The following PTPRG variants were observed in gnomAD, a reference collection of about 807,000 sequenced individuals.
PTPRG encodes the protein protein tyrosine phosphatase receptor type G.
A neutral mutation model predicts 165.3 loss-of-function variants in PTPRG; 102 were observed. That is an observed-to-expected ratio of 0.62 (90% confidence interval 0.53 to 0.73). The LOEUF is 0.73. Ranked by LOEUF, PTPRG falls within the 30% of genes least tolerant of loss-of-function variation. PTPRG has a pLI of 0.00. For missense variants in PTPRG, 1,866 were observed against 1,861.4 expected, an observed-to-expected ratio of 1.00 and a Z score of -0.05; for synonymous variants, 675 against 669.5, an observed-to-expected ratio of 1.01 and a Z score of -0.13.
Position 61,895,016 on chromosome 3 carries a change from C to T in PTPRG, c.191-94609C>T, listed in dbSNP as rs137955666. On this transcript the variant is annotated intron_variant, in intron 2 of 29. Coordinates refer to ENST00000474889, the MANE Select transcript of PTPRG (RefSeq NM_002841.4). ...TAGCAGTATCTCTGGGCCCTCTGCC[C>T]CCATAGCTGTGACAACCAGTGTCTC... 7.6e-3 allele frequency among the ~76,000 whole-genome samples: 1,151 copies of T among 152,182 alleles called. 11 individuals carry two copies. The highest frequency in any genetic ancestry group is 0.025 in the African/African-American group (1,056 of 41,476).
At chr3:61,767,670 A>T (rs903120969) in intron 2 of PTPRG, among the ~76,000 whole-genome samples, 5 of 152,186 alleles carry the variant, frequency 3.3e-5, no homozygotes, top group African/African-American at 9.7e-5. Context: ...GCAAGTTAAG[A>T]TGAATGTTTT....
At chr3:61,615,336 T>C (rs1165303315) in intron 1 of PTPRG, among the ~76,000 whole-genome samples, 3 of 152,224 alleles carry the variant, frequency 2.0e-5, no homozygotes, top group African/African-American at 4.8e-5. Flanking sequence ...CTCGATACTT[T>C]TGAAGGTAAC....
At chr3:62,013,542 G>T (rs187807064) in intron 4 of PTPRG, among the ~76,000 whole-genome samples, 2 of 152,292 alleles carry the variant, frequency 1.3e-5, no homozygotes, top group East Asian at 3.9e-4. Context: ...CAGTATTCAG[G>T]ATTTTTGCTA....
intron 1 of PTPRG, among the ~76,000 whole-genome samples, chr3:61,599,985 C>A (rs533100770): frequency 6.6e-6 from 1 of 151,448 alleles, no homozygotes. Flanking sequence ...TTGGCAAAAC[C>A]CCATCTCTAC....
intron 2 of PTPRG, among the ~76,000 whole-genome samples, chr3:61,782,614 G>A (rs1301563863): frequency 6.6e-6 from 1 of 152,196 alleles, no homozygotes; most frequent in Non-Finnish European, 1.5e-5. Flanking sequence ...AAGAGTAATT[G>A]ATTTTGTTAA....
chr3:61,683,823 G>A (rs937201421), intron 1 of PTPRG, among the ~76,000 whole-genome samples: 4 of 152,230 alleles, frequency 2.6e-5, no homozygotes, highest in African/African-American at 4.8e-5. Context: ...TTAAAAACTT[G>A]GTAAATTTAG....
At chr3:61,795,130 G>A (rs1476063790) in intron 2 of PTPRG, among the ~76,000 whole-genome samples, 1 of 152,122 alleles carries the variant, frequency 6.6e-6, no homozygotes, top group African/African-American at 2.4e-5. Flanking sequence ...CCATTTTACA[G>A]ATGAGGGAAC....
chr3:62,190,837 A>G lies in PTPRG; in HGVS notation c.1034-632A>G, dbSNP rs563078162. Among the ~76,000 whole-genome samples the G allele has an allele frequency of 6.6e-6, 1 of 152,374 alleles. No homozygotes were observed. The highest frequency in any genetic ancestry group is 2.4e-5 in the African/African-American group (1 of 41,598). ...ACCATGAGGCTGAAGTCAGGGGGAC[A>G]CAGTGATTAAGGATCTTTTGGAGAC... On this transcript the variant is annotated intron_variant, in intron 8 of 29. Coordinates refer to ENST00000474889, the MANE Select transcript of PTPRG (RefSeq NM_002841.4). This position sits in a 1 kb window ranked among gnomAD's most constrained non-coding sequence, Gnocchi z 5.2.
At chr3:62,042,244 C>T (rs957194157) in intron 4 of PTPRG, among the ~76,000 whole-genome samples, 2 of 152,140 alleles carry the variant, frequency 1.3e-5, no homozygotes, top group African/African-American at 4.8e-5. Flanking sequence ...TATTTCCAGC[C>T]TTGCCCTGGC....
intron 2 of PTPRG, among the ~76,000 whole-genome samples, chr3:61,804,619 T>C (rs935901714): frequency 3.3e-5 from 5 of 151,932 alleles, no homozygotes; most frequent in African/African-American, 1.2e-4. Context: ...CTTGGTCCTA[T>C]GCTTATTCTT....
chr3:61,747,919 T>C lies in PTPRG; in HGVS notation c.86-959T>C, dbSNP rs2033274444. 2.6e-5 allele frequency among the ~76,000 whole-genome samples: 4 copies of C among 152,294 alleles called. No individual in the cohort carries two copies. In the South Asian group the frequency reaches 8.3e-4, roughly 32 times the overall value. On this transcript the variant is annotated intron_variant, in intron 1 of 29. Coordinates refer to ENST00000474889, the MANE Select transcript of PTPRG (RefSeq NM_002841.4). Reference sequence around the variant, plus strand: ...TTGGATTTTGAGGCACCTGTGACATTTGTCTTCTTATACATCAGTGTTTTC... The same window carrying C: ...TTGGATTTTGAGGCACCTGTGACATCTGTCTTCTTATACATCAGTGTTTTC...
chr3:61,794,196 TA>T (rs760144673), intron 2 of PTPRG, among the ~76,000 whole-genome samples: 1 of 151,772 alleles, frequency 6.6e-6, no homozygotes, highest in African/African-American at 2.4e-5. Flanking sequence ...CATTTTACTT[TA>T]AAAAAAAATC....
At chr3:62,095,460 G>C (rs769585784) in intron 5 of PTPRG, among the ~76,000 whole-genome samples, 23 of 152,184 alleles carry the variant, frequency 1.5e-4, no homozygotes, top group Non-Finnish European at 2.8e-4. Context: ...GAGTGTTACT[G>C]TCTCAGCCTG....
chr3:61,851,890 A>C (rs946253786), intron 2 of PTPRG, among the ~76,000 whole-genome samples: 2 of 152,188 alleles, frequency 1.3e-5, no homozygotes, highest in African/African-American at 2.4e-5. Flanking sequence ...CAGCCATTTT[A>C]AATTGGAGTC....
intron 1 of PTPRG, among the ~76,000 whole-genome samples, chr3:61,735,074 T>C (rs576967917): frequency 6.6e-6 from 1 of 152,222 alleles, no homozygotes; most frequent in Non-Finnish European, 1.5e-5. Context: ...GAAAGGACTT[T>C]GGTTAAATAG....
In PTPRG at chr3:62,224,323, G is replaced by A. The variant is rs367946417; in HGVS notation, c.2288+5340G>A. On this transcript the variant is annotated intron_variant, in intron 13 of 29. Coordinates refer to ENST00000474889, the MANE Select transcript of PTPRG (RefSeq NM_002841.4). The surrounding 1 kb of genome is among the most constrained non-coding windows in gnomAD (Gnocchi z 4.9). ...ACACAAAGGTTTATTTCCCACCCAC[G>A]TGAGGTCTGACAGGGTTGAGCCGCC... Among the ~76,000 whole-genome samples the A allele has an allele frequency of 3.9e-5, 6 of 152,276 alleles. No individual in the cohort carries two copies. Among genetic ancestry groups the A allele is most frequent in the African/African-American group, 1.4e-4 (6 of 41,556 alleles).
In PTPRG at chr3:62,194,907, G is replaced by T. The variant is rs568850900; in HGVS notation, c.1219-155G>T. 3.3e-5 allele frequency among the ~76,000 whole-genome samples: 5 copies of T among 152,294 alleles called. No homozygotes were observed. The East Asian group carries it at 9.7e-4, about 29-fold the overall frequency. On this transcript the variant is annotated intron_variant, in intron 9 of 29. Coordinates refer to ENST00000474889, the MANE Select transcript of PTPRG (RefSeq NM_002841.4). The stretch of plus-strand genomic sequence containing the variant: ...TCATAAAAATAGATTCCCAGGCAGG[G>T]TCCAAGCGGTCTTTCCTTCCAAAGT...
At chr3:61,712,637 T>A (rs930343799) in intron 1 of PTPRG, among the ~76,000 whole-genome samples, 2 of 152,164 alleles carry the variant, frequency 1.3e-5, no homozygotes, top group Non-Finnish European at 2.9e-5. Flanking sequence ...CCCTTCACCT[T>A]CCACCATGAT....
At position 62,203,986 on chromosome 3, in the gene PTPRG, C is replaced by A; in HGVS notation, c.2155+36C>A. The A allele has an allele frequency of 6.6e-7, 1 of 1,517,938 alleles. No homozygotes were observed. The highest frequency in any genetic ancestry group is 8.8e-7 in the Non-Finnish European group (1 of 1,132,324). 94.0% of individuals were successfully genotyped at this position (1,517,938 alleles called of 1,614,324 possible). A position where few individuals can be genotyped will look rare whatever the true frequency, so the allele number is the denominator to read the frequency against. On this transcript the variant is annotated intron_variant, in intron 12 of 29. Coordinates refer to ENST00000474889, the MANE Select transcript of PTPRG (RefSeq NM_002841.4). This position sits in a 1 kb window ranked among gnomAD's most constrained non-coding sequence, Gnocchi z 6.4. ...CAGGTCTTCTTCGAGGGTTCCTGCT[C>A]CTGTGAATAGTCGTACCCTTTTTCA...
Sources: allele counts gnomAD v4.1 joint callset (sites outside exome capture counted in the v4.1 genomes callset), GRCh38; gene constraint gnomAD v4.1.1; non-coding constraint Gnocchi (gnomAD v3.1); transcripts MANE v1.5; gene names NCBI Gene and HGNC (gene_info 2026-07-23, HGNC 2026-07-21).